DRC1: variants seen among roughly 807,000 people sequenced by gnomAD.
DRC1 encodes dynein regulatory complex subunit 1.
DRC1 carries 74 observed loss-of-function variants against 98.7 expected under a neutral mutation model. That is an observed-to-expected ratio of 0.75 (90% CI 0.62 to 0.91). The LOEUF (loss-of-function observed/expected upper bound fraction) is 0.91, where lower values mean the gene tolerates loss of function less well. DRC1 is among the 40% of genes least tolerant of loss of function. The pLI is 0.00. For missense variants in DRC1, 875 were observed against 886.0 expected, an observed-to-expected ratio of 0.99 and a Z score of 0.16; for synonymous variants, 336 against 334.1, an observed-to-expected ratio of 1.01 and a Z score of -0.06.
At chr2:26,428,495 C>T (rs767468001) in intron 4 of DRC1, among the ~76,000 whole-genome samples, 4 of 152,146 alleles carry the variant, frequency 2.6e-5, no homozygotes, top group Non-Finnish European at 5.9e-5. Flanking sequence ...ACAGAAAAGG[C>T]ACAGTAAAAA....
intron 8 of DRC1, 106 bp downstream of exon 8, chr2:26,440,623 C>A (rs1018581660): frequency 2.3e-6 from 3 of 1,318,214 alleles, no homozygotes; most frequent in African/African-American, 3.0e-5. Flanking sequence ...AAAAATATAA[C>A]CAACACTTAT....
At chr2:26,448,413 T>C in intron 10 of DRC1, 2 of 585,662 alleles carry the variant, frequency 3.4e-6, no homozygotes, top group Non-Finnish European at 6.6e-6. Flanking sequence ...ATTTTGAGTA[T>C]GATGTTTCCA....
chr2:26,456,418 G>A (rs533574879), intron 16 of DRC1, 43 bp from the exon 17 acceptor site: 39 of 1,613,132 alleles, frequency 2.4e-5, no homozygotes, highest in African/African-American at 1.3e-4. Flanking sequence ...AAAGAAGGAG[G>A]GCCCTGGGAA....
At chr2:26,416,126 A>C (rs1678794688) in intron 2 of DRC1, among the ~76,000 whole-genome samples, 2 of 152,160 alleles carry the variant, frequency 1.3e-5, no homozygotes, top group African/African-American at 4.8e-5. Flanking sequence ...TTAAGTAGTG[A>C]AGAGCCTTGG....
Position 26,448,249 on chromosome 2 carries a change from G to A in DRC1, c.1397-442G>A, listed in dbSNP as rs191537938. ...CAAAAAAAAAAAAAAAAAATTATCT[G>A]TGAATGTGCAAAGCCACCTGCCCCT... On this transcript the variant is annotated intron_variant, in intron 10 of 16. Coordinates refer to ENST00000288710, the MANE Select transcript of DRC1 (RefSeq NM_145038.5). 2.7e-5 allele frequency: 11 copies of A among 401,918 alleles called. No individual in the cohort carries two copies. The East Asian group carries it at 8.1e-4, about 29-fold the overall frequency. 24.9% of individuals were successfully genotyped at this position (401,918 alleles called of 1,614,324 possible). A position where few individuals can be genotyped will look rare whatever the true frequency, so the allele number is the denominator to read the frequency against.
intron 8 of DRC1, 74 bp from the exon 9 acceptor site, chr2:26,444,148 A>G: frequency 3.8e-6 from 6 of 1,599,396 alleles, no homozygotes; most frequent in Non-Finnish European, 5.1e-6. Context: ...GGTAGAGCTG[A>G]ATCAGGTGGA....
Position 26,444,910 on chromosome 2 carries a change from C to G in DRC1, c.1358C>G (p.Ser453Cys), listed in dbSNP as rs780100027. 1.9e-5 allele frequency: 30 copies of G among 1,614,050 alleles called. No homozygotes were observed. The highest frequency in any genetic ancestry group is 2.5e-5 in the Non-Finnish European group (30 of 1,180,042). The change falls in exon 10 of 17, where the codon TCC (serine) becomes TGC (cysteine). Residue 453 changes from serine to cysteine, a missense_variant. By Grantham distance (112) the Ser-to-Cys change is moderately radical. Coordinates refer to ENST00000288710, the MANE Select transcript of DRC1 (RefSeq NM_145038.5). ...CCTATTTCTCAGCAGCCCCAGAAGT[C>G]CGCCACACAGATAGTAGAAGAAATG... is the stretch of plus-strand genomic sequence containing the variant. ...VGPISQQPQKSATQIVEEMLM... is the reference protein window; with the variant it reads ...VGPISQQPQKCATQIVEEMLM...
intron 2 of DRC1, among the ~76,000 whole-genome samples, chr2:26,418,500 T>C (rs919046204): frequency 7.7e-6 from 1 of 130,424 alleles, no homozygotes; most frequent in African/African-American, 2.9e-5. Context: ...ATATAAAATA[T>C]AGTTTAAATA....
chr2:26,421,273 T>C lies in DRC1; in HGVS notation c.244-15T>C. ...AGTGTTCTAGCTTTGTAAATTCTTA[T>C]ATCTCTCTTTTTAGAAATTGGCTAA... On this transcript the variant is annotated splice_polypyrimidine_tract_variant and intron_variant, in intron 2 of 16. Coordinates refer to ENST00000288710, the MANE Select transcript of DRC1 (RefSeq NM_145038.5). 6.2e-7 allele frequency: 1 copy of C among 1,609,646 alleles called. No individual in the cohort carries two copies. The highest frequency in any genetic ancestry group is 8.5e-7 in the Non-Finnish European group (1 of 1,177,266).
intron 1 of DRC1, among the ~76,000 whole-genome samples, chr2:26,412,735 A>G (rs1558434915): frequency 6.6e-6 from 1 of 152,174 alleles, no homozygotes; most frequent in East Asian, 1.9e-4. Context: ...TTTGTCATAT[A>G]TACTTCCAGA....
intron 14 of DRC1, among the ~76,000 whole-genome samples, chr2:26,453,887 G>A (rs1029977666): frequency 3.3e-5 from 5 of 152,216 alleles, no homozygotes; most frequent in African/African-American, 7.2e-5. Flanking sequence ...GGAAGTGGCC[G>A]TTTCCATTTG....
chr2:26,456,203 G>A (rs1184605278), intron 16 of DRC1, among the ~76,000 whole-genome samples: 2 of 152,210 alleles, frequency 1.3e-5, no homozygotes, highest in Non-Finnish European at 2.9e-5. Context: ...AGAGAGGAGA[G>A]GGGAAGACTG....
chr2:26,412,932 A>G (rs997137392), intron 1 of DRC1, among the ~76,000 whole-genome samples: 9 of 151,946 alleles, frequency 5.9e-5, no homozygotes, highest in South Asian at 2.1e-4. Flanking sequence ...ACAGGCGCCC[A>G]CCACCACGCC....
At chr2:26,444,194 C>A in intron 8 of DRC1, 28 bp from the exon 9 acceptor site, 1 of 1,613,698 alleles carries the variant, frequency 6.2e-7, no homozygotes, top group South Asian at 1.1e-5. Context: ...TATTCAGCTG[C>A]AGACTAACCT....
Position 26,414,423 on chromosome 2 carries a change from A to C in DRC1, c.235A>C (p.Ser79Arg). 1 of 1,613,644 alleles carries C rather than the reference A, an allele frequency of 6.2e-7. No homozygotes were observed. The highest frequency in any genetic ancestry group is 8.5e-7 in the Non-Finnish European group (1 of 1,179,752). The change falls in exon 2 of 17, where the codon AGC (serine) becomes CGC (arginine). Residue 79 changes from serine to arginine, a missense_variant. Physicochemically the swap from Ser to Arg is moderately radical, Grantham distance 110. Transcript: ENST00000288710. ...CAAGAGCTACAAACAGAAAGAAGAA[A>C]GCCGATTGGTATGAACTGGTTGGCA... ...QSKSYKQKEESRLKLAKLLLC... is the reference protein window; with the variant it reads ...QSKSYKQKEERRLKLAKLLLC...
intron 1 of DRC1, among the ~76,000 whole-genome samples, chr2:26,409,833 A>G (rs1206213860): frequency 2.0e-5 from 3 of 152,162 alleles, no homozygotes; most frequent in East Asian, 1.9e-4. Context: ...AGTTCTTGTC[A>G]TGAGTCAGTA....
chr2:26,453,571 C>T, intron 14 of DRC1, 22 bp downstream of exon 14: 2 of 1,606,412 alleles, frequency 1.2e-6, no homozygotes, highest in African/African-American at 2.7e-5. Flanking sequence ...GGCTGGAAGG[C>T]TTGCCTGAGA....
At chr2:26,427,261 G>A (rs571149008) in intron 4 of DRC1, among the ~76,000 whole-genome samples, 454 of 151,956 alleles carry the variant, frequency 3.0e-3, no homozygotes, top group Non-Finnish European at 4.8e-3. Flanking sequence ...GGATTAAAGC[G>A]CACATCACCA....
At chr2:26,449,926 C>A in intron 11 of DRC1, 70 bp from the exon 12 acceptor site, 1 of 1,388,636 alleles carries the variant, frequency 7.2e-7, no homozygotes, top group Non-Finnish European at 1.0e-6. Context: ...ACACAGGGGG[C>A]AGCTGCAGAC....
Sources: gnomAD v4.1 joint callset for allele counts (sites outside exome capture counted in the v4.1 genomes callset) on GRCh38, gnomAD v4.1.1 for gene constraint, MANE v1.5 for transcripts, NCBI Gene and HGNC (gene_info 2026-07-23, HGNC 2026-07-21) for gene names.